Variants in SYNE1 observed in about 807,000 individuals in gnomAD.
SYNE1 encodes the protein spectrin repeat containing nuclear envelope protein 1.
SYNE1 carries 616 observed loss-of-function variants against 1,111.0 expected under a neutral mutation model. The observed-to-expected ratio is 0.55, with a 90% CI of 0.52 to 0.59. SYNE1 has a LOEUF of 0.59. Ranked by LOEUF, SYNE1 falls within the 20% of genes least tolerant of loss-of-function variation. The pLI, the probability that SYNE1 is intolerant of heterozygous loss-of-function variation, is 0.00. For synonymous variants in SYNE1, 3,855 were observed against 3,825.8 expected (o/e 1.01, Z -0.28); for missense variants, 10,006 against 10,417.0 (o/e 0.96, Z 1.72).
At chr6:152,208,232 A>C in intron 124 of SYNE1, 26 bp from the exon 125 acceptor site, 1 of 1,601,892 alleles carries the variant, frequency 6.2e-7, no homozygotes, top group South Asian at 1.1e-5. Context: ...TTACATGGTA[A>C]AAAAGCACTG....
intron 3 of SYNE1, among the ~76,000 whole-genome samples, chr6:152,627,120 T>C (rs965843959): frequency 3.0e-4 from 45 of 152,200 alleles, no homozygotes; most frequent in African/African-American, 9.9e-4. Context: ...TTTTATACCT[T>C]GAAACCATGC....
intron 16 of SYNE1, among the ~76,000 whole-genome samples, chr6:152,470,231 A>T (rs944689084): frequency 3.9e-5 from 6 of 152,320 alleles, no homozygotes; most frequent in African/African-American, 1.4e-4. Flanking sequence ...AGAATTATTA[A>T]TATCATTGTG....
intron 3 of SYNE1, among the ~76,000 whole-genome samples, chr6:152,589,821 A>G (rs1020558821): frequency 6.6e-6 from 1 of 152,084 alleles, no homozygotes; most frequent in Non-Finnish European, 1.5e-5. Context: ...TTTTTTCAAT[A>G]CACATTCTTT....
chr6:152,580,291 C>T (rs2099515125), intron 3 of SYNE1, among the ~76,000 whole-genome samples: 1 of 152,074 alleles, frequency 6.6e-6, no homozygotes, highest in Non-Finnish European at 1.5e-5. Flanking sequence ...TTTTCATATA[C>T]TTGTCCACAT....
intron 4 of SYNE1, among the ~76,000 whole-genome samples, chr6:152,527,285 T>A (rs564940532): frequency 6.6e-6 from 1 of 152,362 alleles, no homozygotes; most frequent in East Asian, 1.9e-4. Context: ...AATTATAATG[T>A]CTGAATAGTA....
chr6:152,445,542 C>T (rs566925641), intron 29 of SYNE1, among the ~76,000 whole-genome samples: 3 of 151,880 alleles, frequency 2.0e-5, no homozygotes, highest in Admixed American at 1.3e-4. Context: ...TTCTTTTATC[C>T]TATCTTTTTT....
In SYNE1 at chr6:152,353,340, T is replaced by G; in HGVS notation, c.11176A>C (p.Lys3726Gln). The stretch of plus-strand genomic sequence containing the variant: ...TTGGTAGCCACATTCTTGAAGTTTT[T>G]ATGAGTAGAGCCATACCAATCAGAA... ...SYSDWYGSTH[K>Q]NFKNVATKID... Residue 3726 changes from lysine to glutamine, a missense_variant, in exon 69 of 146, where the codon AAA (lysine) becomes CAA (glutamine). Lys to Gln is a moderately conservative substitution (Grantham distance 53). Around this residue, in one of 7 missense-constraint regions of SYNE1, gnomAD observed 4,955 missense variants for 5,017.2 expected, o/e 0.99. Transcript: ENST00000367255. 1 of 1,614,232 alleles carries G rather than the reference T, an allele frequency of 6.2e-7. No individual in the cohort carries two copies. The highest frequency in any genetic ancestry group is 8.5e-7 in the Non-Finnish European group (1 of 1,180,046).
At position 152,407,176 on chromosome 6, in the gene SYNE1, T is replaced by A; in HGVS notation, c.6561A>T (p.Glu2187Asp). 2 of 1,614,032 alleles carry A rather than the reference T, an allele frequency of 1.2e-6. No homozygotes were observed. The highest frequency in any genetic ancestry group is 1.7e-6 in the Non-Finnish European group (2 of 1,179,966). The change falls in exon 45 of 146, where the codon GAA becomes GAT. Residue 2187 changes from glutamate (E) to aspartate (D), a missense_variant. Coordinates refer to ENST00000367255, the MANE Select transcript of SYNE1 (RefSeq NM_182961.4). Reference sequence around the variant, plus strand: ...GGCTTACTCTCAGCCTATCCATGTTTTCTTCAAGTTTCTCTGATACCTAGG... The same window carrying A: ...GGCTTACTCTCAGCCTATCCATGTTATCTTCAAGTTTCTCTGATACCTAGG... The part of the protein sequence containing the change: ...KWLDVSEKLE[E>D]NMDRLRVSLS...
intron 6 of SYNE1, among the ~76,000 whole-genome samples, chr6:152,514,630 A>T (rs1018536264): frequency 2.6e-4 from 39 of 151,780 alleles, no homozygotes; most frequent in African/African-American, 9.2e-4. Context: ...TATAATTTAA[A>T]AAAATAATAA....
intron 29 of SYNE1, among the ~76,000 whole-genome samples, chr6:152,444,952 C>T (rs1457137226): frequency 6.6e-6 from 1 of 152,122 alleles, no homozygotes; most frequent in Non-Finnish European, 1.5e-5. Context: ...TCTACCTCAA[C>T]CACTTGACAT....
intron 137 of SYNE1, chr6:152,146,393 AATT>A (rs1189693170): frequency 2.9e-4 from 44 of 152,324 alleles, no homozygotes; most frequent in African/African-American, 1.0e-3. Flanking sequence ...TAATCAATAT[AATT>A]ATTAATATTT....
chr6:152,172,736 A>G (rs2065517853), intron 130 of SYNE1, among the ~76,000 whole-genome samples: 1 of 152,180 alleles, frequency 6.6e-6, no homozygotes, highest in South Asian at 2.1e-4. Context: ...ATGCGTCACC[A>G]ATGACAGCTT....
chr6:152,409,204 A>G lies in SYNE1; in HGVS notation c.6404T>C (p.Met2135Thr). Residue 2135 changes from methionine (M) to threonine (T), a missense_variant, in exon 44 of 146, where the codon ATG (methionine) becomes ACG (threonine). This residue lies in a region of SYNE1 where 4,955 missense variants were observed against 5,017.2 expected (regional missense o/e 0.99). Coordinates refer to ENST00000367255, the MANE Select transcript of SYNE1 (RefSeq NM_182961.4). ...ATCCAAGTCTTTCTGTTTGTAATTC[A>G]TTTTGTTCTTGGCAGTTTCATGCTG... ...FSKHETAKNKMNYKQKDLDNF... is the reference protein window; with the variant it reads ...FSKHETAKNKTNYKQKDLDNF... 1 of 1,614,034 alleles carries G rather than the reference A, an allele frequency of 6.2e-7. No homozygotes were observed. The highest frequency in any genetic ancestry group is 8.5e-7 in the Non-Finnish European group (1 of 1,179,984).
At chr6:152,345,847 C>T (rs898234023) in intron 73 of SYNE1, among the ~76,000 whole-genome samples, 1 of 152,116 alleles carries the variant, frequency 6.6e-6, no homozygotes, top group Non-Finnish European at 1.5e-5. Flanking sequence ...ACACTTATTT[C>T]TAAAACATTA....
At chr6:152,261,979 A>C in intron 101 of SYNE1, 53 bp downstream of exon 101, 1 of 1,473,100 alleles carries the variant, frequency 6.8e-7, no homozygotes, top group Non-Finnish European at 9.2e-7. Context: ...ATCCCTCAGC[A>C]TAAACTCTAC....
intron 29 of SYNE1, among the ~76,000 whole-genome samples, chr6:152,446,721 A>T (rs1442209914): frequency 6.6e-6 from 1 of 152,178 alleles, no homozygotes; most frequent in Non-Finnish European, 1.5e-5. Context: ...ACAAACTTAG[A>T]TTTATATAAA....
chr6:152,531,833 TC>T (rs2099203649), intron 4 of SYNE1, among the ~76,000 whole-genome samples: 1 of 152,210 alleles, frequency 6.6e-6, no homozygotes, highest in South Asian at 2.1e-4. Flanking sequence ...CAGAATTCCA[TC>T]CTTTTTAAAG....
intron 40 of SYNE1, among the ~76,000 whole-genome samples, chr6:152,418,697 A>T (rs1024191824): frequency 7.2e-5 from 11 of 152,204 alleles, no homozygotes; most frequent in African/African-American, 2.4e-4. Flanking sequence ...ATGCTCCCTT[A>T]TCTGACTAAG....
At chr6:152,241,500 CTG>C (rs1231628952) in intron 107 of SYNE1, among the ~76,000 whole-genome samples, 1 of 74,176 alleles carries the variant, frequency 1.3e-5, no homozygotes, top group Admixed American at 1.2e-4. Flanking sequence ...AATGCAAGAG[CTG>C]TGTGTGTGTG....
Sources: gnomAD v4.1 joint callset for allele counts (sites outside exome capture counted in the v4.1 genomes callset) on GRCh38, gnomAD v4.1.1 for gene constraint, gnomAD v4.1.1 regional missense constraint, MANE v1.5 for transcripts, NCBI Gene and HGNC (gene_info 2026-07-23, HGNC 2026-07-21) for gene names.